NRIP1: variants seen among roughly 807,000 people sequenced by gnomAD.
The protein encoded by NRIP1 is nuclear receptor-interacting protein 1.
NRIP1 carries 28 observed loss-of-function variants against 75.0 expected under a neutral mutation model. The ratio of observed to expected loss-of-function variants is 0.37; its 90% CI spans 0.28 to 0.51. The LOEUF (loss-of-function observed/expected upper bound fraction) is 0.51, where lower values mean the gene tolerates loss of function less well. Among genes scored for constraint, NRIP1 ranks in the 20% least tolerant of loss-of-function variants. The pLI is 0.92. For missense variants in NRIP1, 1,435 were observed against 1,343.7 expected (o/e 1.07, Z -1.06); for synonymous variants, 526 against 487.6 (o/e 1.08, Z -1.04).
At position 14,963,191 on chromosome 21, in the gene NRIP1, G is replaced by GTGT. The variant is rs2086635149; in HGVS notation, c.*1524_*1525insACA. ...TTTTTATTTAGTCAATCTGAGTTTA[G>GTGT]TGCCCTTCTTGGGTTTAAACTAAAT... On this transcript the variant is annotated 3_prime_UTR_variant, in exon 4 of 4. Coordinates refer to ENST00000318948, the MANE Select transcript of NRIP1 (RefSeq NM_003489.4). 1 of 152,382 alleles carries GTGT rather than the reference G, an allele frequency of 6.6e-6. No homozygotes were observed. The highest frequency in any genetic ancestry group is 2.4e-5 in the African/African-American group (1 of 41,392). The allele number at this position is 152,382 out of a possible 1,614,324, so 9.4% of individuals were successfully genotyped here.
At chr21:15,027,659 G>A (rs2823009) in intron 2 of NRIP1, among the ~76,000 whole-genome samples, 47,114 of 152,010 alleles carry the variant, frequency 0.31, 10,427 homozygotes, top group African/African-American at 0.61. Flanking sequence ...TAATTACTGC[G>A]AACTTCAGAA....
chr21:15,029,192 C>T (rs1204965003), intron 2 of NRIP1, among the ~76,000 whole-genome samples: 4 of 152,214 alleles, frequency 2.6e-5, no homozygotes, highest in African/African-American at 4.8e-5. Context: ...CTTAACACAA[C>T]TGCTGAAGCG....
chr21:14,987,281 T>C (rs1288121371), intron 3 of NRIP1, among the ~76,000 whole-genome samples: 9 of 152,334 alleles, frequency 5.9e-5, no homozygotes. Context: ...AATGCTCACA[T>C]AGCCTAGCCA....
chr21:15,053,381 CA>C lies in NRIP1; in HGVS notation c.-537-9808del, dbSNP rs773624044. ...GTCAAAGCTAAGCAAACACTTGTAT[CA>C]GGGGCAACTACCAGGAACTTTAGTT... is the stretch of plus-strand genomic sequence containing the variant. On this transcript the variant is annotated intron_variant, in intron 1 of 3. Transcript: ENST00000318948. 4.6e-5 allele frequency among the ~76,000 whole-genome samples: 7 copies of C among 152,262 alleles called. No homozygotes were observed. The East Asian group carries it at 9.6e-4, about 21-fold the overall frequency.
intron 2 of NRIP1, among the ~76,000 whole-genome samples, chr21:15,041,891 G>C (rs1196688823): frequency 6.6e-6 from 1 of 150,984 alleles, no homozygotes; most frequent in Non-Finnish European, 1.5e-5. Context: ...TAATTTTTTG[G>C]GTTCATTTAC....
At position 15,031,067 on chromosome 21, in the gene NRIP1, ATG is replaced by A. The variant is rs1357319680; in HGVS notation, c.-458+12426_-458+12427del. On this transcript the variant is annotated intron_variant, in intron 2 of 3. Transcript: ENST00000318948. ...TGGAGGTTCACTACATTCCCTTTCT[ATG>A]TGTGTACACTCTGGAAGGCGCTCGG... Among the ~76,000 whole-genome samples the A allele has an allele frequency of 3.1e-3, 132 of 42,536 alleles. 1 individual carries two copies. The highest frequency in any genetic ancestry group is 8.8e-3 in the African/African-American group (88 of 9,970). The allele number at this position is 42,536 out of a possible 152,430, so 27.9% of individuals were successfully genotyped here.
chr21:14,993,611 T>A (rs1027133394), intron 3 of NRIP1, among the ~76,000 whole-genome samples: 1 of 151,634 alleles, frequency 6.6e-6, no homozygotes, highest in Non-Finnish European at 1.5e-5. Flanking sequence ...CGAGACCCCA[T>A]CTCTAAAAAA....
intron 1 of NRIP1, among the ~76,000 whole-genome samples, 171 bp from the exon 2 acceptor site, chr21:15,043,745 T>C (rs1023468656): frequency 6.6e-6 from 1 of 152,242 alleles, no homozygotes; most frequent in Non-Finnish European, 1.5e-5. Context: ...TCTTTGGACA[T>C]AGTTGTTGAC....
intron 2 of NRIP1, among the ~76,000 whole-genome samples, chr21:15,030,844 T>G (rs78317560): frequency 7.6e-6 from 1 of 131,278 alleles, no homozygotes; most frequent in South Asian, 2.4e-4. Flanking sequence ...GGAAGGCGGT[T>G]GGAGGATCAC....
At chr21:15,004,460 A>G (rs193225018) in intron 3 of NRIP1, among the ~76,000 whole-genome samples, 2 of 152,230 alleles carry the variant, frequency 1.3e-5, no homozygotes, top group East Asian at 1.9e-4. Flanking sequence ...TTCTGCTCCA[A>G]TCCTGCAGAG....
At chr21:15,064,716 C>G (rs1369318011) in intron 1 of NRIP1, 29 bp downstream of exon 1, 1 of 149,922 alleles carries the variant, frequency 6.7e-6, no homozygotes, top group Non-Finnish European at 1.5e-5. Context: ...GCCGCTACTC[C>G]TGGCGCCCTG....
intron 2 of NRIP1, among the ~76,000 whole-genome samples, chr21:15,036,557 C>G (rs576415009): frequency 6.6e-6 from 1 of 150,698 alleles, no homozygotes; most frequent in East Asian, 2.0e-4. Flanking sequence ...ACACCCACTA[C>G]CCAGATATAC....
At chr21:14,982,749 G>C (rs1416314388) in intron 3 of NRIP1, among the ~76,000 whole-genome samples, 1 of 142,880 alleles carries the variant, frequency 7.0e-6, no homozygotes, top group Non-Finnish European at 1.5e-5. Context: ...AAGGATTTGT[G>C]GCAATTCTGT....
intron 3 of NRIP1, among the ~76,000 whole-genome samples, chr21:14,993,924 G>T (rs1003927038): frequency 6.6e-6 from 1 of 151,986 alleles, no homozygotes; most frequent in Non-Finnish European, 1.5e-5. Context: ...AACAATTTTC[G>T]GTATAATACT....
chr21:14,986,506 T>A (rs1326115678), intron 3 of NRIP1, among the ~76,000 whole-genome samples: 2 of 152,204 alleles, frequency 1.3e-5, no homozygotes, highest in Non-Finnish European at 2.9e-5. Context: ...TCTCGCCTTA[T>A]GGCATAATAT....
At chr21:15,054,499 AC>A (rs1359338770) in intron 1 of NRIP1, among the ~76,000 whole-genome samples, 1 of 152,240 alleles carries the variant, frequency 6.6e-6, no homozygotes, top group Non-Finnish European at 1.5e-5. Context: ...AATGTCAATA[AC>A]AGTCAGTTTC....
rs1195905432 is a variant in NRIP1 at position 14,963,594 on chromosome 21, G to A, written c.*1122C>T. The A allele has an allele frequency of 6.6e-6, 1 of 152,256 alleles. No individual in the cohort carries two copies. Among genetic ancestry groups the A allele is most frequent in the Admixed American group, 6.6e-5 (1 of 15,252 alleles). The allele number at this position is 152,256 out of a possible 1,614,324, so 9.4% of individuals were successfully genotyped here. A position where few individuals can be genotyped will look rare whatever the true frequency, so the allele number is the denominator to read the frequency against. ...TTTTGTTTTTGTTTTACAGTCTCAT[G>A]TTCTGAGGAAAGTCATAAGTCATGG... is the stretch of plus-strand genomic sequence containing the variant. On this transcript the variant is annotated 3_prime_UTR_variant, in exon 4 of 4. Coordinates refer to ENST00000318948, the MANE Select transcript of NRIP1 (RefSeq NM_003489.4).
intron 2 of NRIP1, among the ~76,000 whole-genome samples, chr21:15,037,436 T>C (rs895590413): frequency 6.6e-6 from 1 of 152,192 alleles, no homozygotes; most frequent in African/African-American, 2.4e-5. Context: ...AGGCATCAAG[T>C]TGAGTGCTTT....
intron 2 of NRIP1, among the ~76,000 whole-genome samples, chr21:15,031,340 C>G (rs75184967): frequency 3.3e-4 from 44 of 135,204 alleles, no homozygotes; most frequent in African/African-American, 8.6e-4. Context: ...CTGGAAGGCG[C>G]TCGGAGGATC....
Sources: allele counts gnomAD v4.1 joint callset (sites outside exome capture counted in the v4.1 genomes callset), GRCh38; gene constraint gnomAD v4.1.1; transcripts MANE v1.5; gene names NCBI Gene and HGNC (gene_info 2026-07-23, HGNC 2026-07-21).